The following EBF1 variants were observed in gnomAD, a reference collection of about 807,000 sequenced individuals.
EBF1 encodes the protein EBF transcription factor 1, also known as transcription factor COE1.
In EBF1, 10 loss-of-function variants were observed where a neutral mutation model predicts 68.4. The observed-to-expected ratio is 0.15, with a 90% confidence interval of 0.09 to 0.25. EBF1 has a LOEUF of 0.25. EBF1 is among the 10% of genes least tolerant of loss of function. The pLI is 1.00. For synonymous variants in EBF1, 298 were observed against 299.8 expected (o/e 0.99, Z 0.06); for missense variants, 509 against 794.4 (o/e 0.64, Z 4.32).
chr5:158,979,201 T>C (rs1416773677), intron 6 of EBF1, among the ~76,000 whole-genome samples: 1 of 152,198 alleles, frequency 6.6e-6, no homozygotes, highest in Non-Finnish European at 1.5e-5. Flanking sequence ...AAGATCTATA[T>C]GAAAGTGGAT....
chr5:158,895,716 C>G (rs933938483), intron 6 of EBF1, among the ~76,000 whole-genome samples: 1 of 152,144 alleles, frequency 6.6e-6, no homozygotes, highest in African/African-American at 2.4e-5. Context: ...GATTCTGAAG[C>G]CTGGTAGCCT....
intron 8 of EBF1, among the ~76,000 whole-genome samples, chr5:158,809,066 TA>T (rs1561990092): frequency 6.6e-6 from 1 of 152,148 alleles, no homozygotes; most frequent in African/African-American, 2.4e-5. Context: ...TGTATATACA[TA>T]GGCAAATCAC....
chr5:158,874,872 T>C (rs1432165887), intron 6 of EBF1, among the ~76,000 whole-genome samples: 1 of 152,196 alleles, frequency 6.6e-6, no homozygotes, highest in East Asian at 1.9e-4. Flanking sequence ...GGGATCCTCT[T>C]GTATGGTGTT....
At chr5:159,009,815 C>T (rs528923263) in intron 6 of EBF1, among the ~76,000 whole-genome samples, 48 of 150,868 alleles carry the variant, frequency 3.2e-4, no homozygotes, top group Non-Finnish European at 6.2e-4. Flanking sequence ...TGATATAGTA[C>T]GTGATATTAG....
intron 6 of EBF1, among the ~76,000 whole-genome samples, chr5:159,039,587 A>T (rs1770774722): frequency 6.6e-6 from 1 of 152,242 alleles, no homozygotes; most frequent in South Asian, 2.1e-4. Context: ...GAAACAGGAA[A>T]GCCAGTTGTT....
intron 8 of EBF1, 88 bp from the exon 9 acceptor site, chr5:158,796,563 A>T: frequency 6.9e-7 from 1 of 1,444,010 alleles, no homozygotes. Flanking sequence ...GGAAAAAAAA[A>T]ATCTTTTATC....
chr5:158,821,756 C>G (rs1363747723), intron 8 of EBF1, among the ~76,000 whole-genome samples: 1 of 152,166 alleles, frequency 6.6e-6, no homozygotes, highest in African/African-American at 2.4e-5. Context: ...AGAAATGGAA[C>G]TAGGAATGTA....
chr5:158,975,055 C>G (rs2127572093), intron 6 of EBF1, among the ~76,000 whole-genome samples: 1 of 152,272 alleles, frequency 6.6e-6, no homozygotes, highest in Non-Finnish European at 1.5e-5. Flanking sequence ...CAGCTCTGGT[C>G]ACTGATGAGA....
chr5:158,990,268 G>T (rs982255841), intron 6 of EBF1, among the ~76,000 whole-genome samples: 3 of 152,194 alleles, frequency 2.0e-5, no homozygotes, highest in Non-Finnish European at 4.4e-5. Context: ...CCAGCCTCTG[G>T]GTTCCTACCA....
chr5:158,892,445 T>C (rs965390680), intron 6 of EBF1, among the ~76,000 whole-genome samples: 30 of 152,094 alleles, frequency 2.0e-4, no homozygotes, highest in African/African-American at 7.2e-4. Context: ...GCCAAGATTG[T>C]GCTACTGCAT....
chr5:159,051,014 C>T (rs983522971), intron 6 of EBF1, among the ~76,000 whole-genome samples: 1 of 151,980 alleles, frequency 6.6e-6, no homozygotes, highest in South Asian at 2.1e-4. Context: ...GGCTTAACAG[C>T]AATTATACGA....
intron 6 of EBF1, among the ~76,000 whole-genome samples, chr5:159,071,767 G>T (rs561459493): frequency 2.6e-5 from 4 of 152,196 alleles, no homozygotes; most frequent in South Asian, 4.2e-4. Flanking sequence ...TTCATTGAGG[G>T]TGGCAAGGTA....
chr5:158,794,269 G>C lies in EBF1; in HGVS notation c.909+2076C>G, dbSNP rs529697500. On this transcript the variant is annotated intron_variant, in intron 9 of 15. Coordinates refer to ENST00000313708, the MANE Select transcript of EBF1 (RefSeq NM_024007.5). ...ACAAGGCAGTGGCACTGGAGGGACA[G>C]AGGAGGGAGGAGGACAAAGATATTA... Among the ~76,000 whole-genome samples, 83 of 152,292 alleles carry C rather than the reference G, an allele frequency of 5.5e-4. 1 individual carries two copies. Among genetic ancestry groups the C allele is most frequent in the African/African-American group, 1.9e-3 (80 of 41,572 alleles).
At chr5:159,084,419 TA>T (rs1780272488) in intron 5 of EBF1, among the ~76,000 whole-genome samples, 2 of 152,150 alleles carry the variant, frequency 1.3e-5, no homozygotes, top group Non-Finnish European at 2.9e-5. Context: ...TTGTGCCCAT[TA>T]ACAGTGTGAT....
At chr5:158,832,805 T>C (rs1288779945) in intron 7 of EBF1, among the ~76,000 whole-genome samples, 1 of 152,222 alleles carries the variant, frequency 6.6e-6, no homozygotes, top group Non-Finnish European at 1.5e-5. Flanking sequence ...AGAATTTACT[T>C]GAAAAGGCAG....
chr5:158,866,691 G>A (rs746750611), intron 6 of EBF1, among the ~76,000 whole-genome samples: 2 of 151,628 alleles, frequency 1.3e-5, no homozygotes, highest in South Asian at 2.1e-4. Context: ...GCGTTTATGA[G>A]TGCAGCTTTG....
At chr5:158,730,473 C>T (rs971512475) in intron 11 of EBF1, among the ~76,000 whole-genome samples, 1 of 152,152 alleles carries the variant, frequency 6.6e-6, no homozygotes, top group Non-Finnish European at 1.5e-5. Flanking sequence ...ACATATATGA[C>T]TCTGTCTTGA....
chr5:158,786,646 T>C (rs770510996), intron 9 of EBF1, among the ~76,000 whole-genome samples: 2 of 152,262 alleles, frequency 1.3e-5, no homozygotes, highest in Non-Finnish European at 2.9e-5. Flanking sequence ...TTTTTCTAAA[T>C]TCAGTCAAGA....
intron 6 of EBF1, among the ~76,000 whole-genome samples, chr5:158,972,237 C>G (rs1755797169): frequency 6.6e-6 from 1 of 152,200 alleles, no homozygotes; most frequent in Admixed American, 6.5e-5. Context: ...CTTCCATCTA[C>G]CCAGCTGGAT....
Sources: allele counts gnomAD v4.1 joint callset (sites outside exome capture counted in the v4.1 genomes callset), GRCh38; gene constraint gnomAD v4.1.1; transcripts MANE v1.5; gene names NCBI Gene and HGNC (gene_info 2026-07-23, HGNC 2026-07-21).